The following PARP12 variants were observed in gnomAD, a reference collection of about 807,000 sequenced individuals.
PARP12 encodes poly(ADP-ribose) polymerase family member 12, also known as protein mono-ADP-ribosyltransferase PARP12.
Under a neutral mutation model 72.4 loss-of-function variants are expected in PARP12, and 59 were observed. The observed-to-expected ratio is 0.81, with a 90% CI of 0.66 to 1.01. The LOEUF (loss-of-function observed/expected upper bound fraction) is 1.01, where lower values mean the gene tolerates loss of function less well. Ranked by LOEUF, PARP12 falls within the 50% of genes least tolerant of loss-of-function variation. The pLI is 0.00. For missense variants in PARP12, 851 were observed against 914.0 expected, an observed-to-expected ratio of 0.93 and a Z score of 0.89; for synonymous variants, 403 against 371.4, an observed-to-expected ratio of 1.09 and a Z score of -0.98.
Position 140,062,563 on chromosome 7 carries a change from G to T in PARP12, c.285C>A (p.Cys95Ter). Residue 95 changes from cysteine (C) to a stop codon, truncating the protein, a stop_gained, in exon 1 of 12, where the codon TGC becomes TGA. Coordinates refer to ENST00000263549, the MANE Select transcript of PARP12 (RefSeq NM_022750.4). LOFTEE classifies it high-confidence loss of function. ...CVGLCAQLHL[C>*]RFMVYGACKF... ...TGCAGGCGCCGTAGACCATGAACCTGCAGAGGTGGAGCTGCGCGCAGAGCC... is the reference window on the plus strand; with the variant it reads ...TGCAGGCGCCGTAGACCATGAACCTTCAGAGGTGGAGCTGCGCGCAGAGCC... 1 of 1,554,974 alleles carries T rather than the reference G, an allele frequency of 6.4e-7. No homozygotes were observed. The highest frequency in any genetic ancestry group is 8.7e-7 in the Non-Finnish European group (1 of 1,155,048).
chr7:140,058,435 C>T (rs544154157), intron 1 of PARP12, among the ~76,000 whole-genome samples: 97 of 151,294 alleles, frequency 6.4e-4, no homozygotes, highest in African/African-American at 2.0e-3. Context: ...GGCATGAACC[C>T]GAGAGGCGGA....
Position 140,028,622 on chromosome 7 carries a change from TG to T in PARP12, c.1487del (p.Pro496GlnfsTer157). On this transcript the variant is annotated frameshift_variant, in exon 9 of 12. Coordinates refer to ENST00000263549, the MANE Select transcript of PARP12 (RefSeq NM_022750.4). LOFTEE classifies it high-confidence loss of function. ...CGCATGCGTCCCCTACCTGAAAGCC[TG>T]GGTCTGGCAGGGCAGAGGAGTCCCA... ...DYWDSSALPD[P>X]GFQKITLSSS... 6.3e-7 allele frequency: 1 copy of T among 1,595,628 alleles called. No individual in the cohort carries two copies. Among genetic ancestry groups the T allele is most frequent in the Non-Finnish European group, 8.5e-7 (1 of 1,170,456 alleles).
At chr7:140,045,111 C>G (rs1414133182) in intron 5 of PARP12, among the ~76,000 whole-genome samples, 2 of 151,872 alleles carry the variant, frequency 1.3e-5, no homozygotes, top group Admixed American at 1.3e-4. Flanking sequence ...CTCACTGCAG[C>G]ATCAAACTCC....
chr7:140,040,330 A>G (rs1816408646), intron 6 of PARP12, among the ~76,000 whole-genome samples: 1 of 152,158 alleles, frequency 6.6e-6, no homozygotes, highest in African/African-American at 2.4e-5. Context: ...GTCGCCCACG[A>G]CGGGAGGGAG....
At chr7:140,034,106 A>T in intron 8 of PARP12, 129 bp downstream of exon 8, 1 of 1,391,018 alleles carries the variant, frequency 7.2e-7, no homozygotes, top group South Asian at 1.5e-5. Flanking sequence ...ACGATAACAG[A>T]GTGTGGGAGC....
intron 8 of PARP12, chr7:140,033,104 G>T: frequency 2.5e-6 from 2 of 796,892 alleles, no homozygotes; most frequent in Non-Finnish European, 3.0e-6. Flanking sequence ...AGGCGCACAG[G>T]CTGGTCTCGA....
At position 140,027,416 on chromosome 7, in the gene PARP12, G is replaced by A; in HGVS notation, c.1498-10C>T. ...AACTAAGGGTGATCTTCTGCAAGGG[G>A]CAAATGTTTTTAATGCATTACCATC... On this transcript the variant is annotated splice_polypyrimidine_tract_variant and intron_variant, in intron 9 of 11. Coordinates refer to ENST00000263549, the MANE Select transcript of PARP12 (RefSeq NM_022750.4). 1 of 1,613,030 alleles carries A rather than the reference G, an allele frequency of 6.2e-7. No individual in the cohort carries two copies. Among genetic ancestry groups the A allele is most frequent in the Non-Finnish European group, 8.5e-7 (1 of 1,179,282 alleles).
chr7:140,033,775 G>A (rs965770261), intron 8 of PARP12: 71 of 989,582 alleles, frequency 7.2e-5, no homozygotes, highest in Middle Eastern at 5.1e-4. Context: ...TCACCCTGAC[G>A]AAGCTCGCCC....
chr7:140,043,841 T>C (rs1162375877), intron 5 of PARP12, among the ~76,000 whole-genome samples: 1 of 152,170 alleles, frequency 6.6e-6, no homozygotes, highest in African/African-American at 2.4e-5. Context: ...CTTAGAACTT[T>C]TAAACATAAT....
chr7:140,051,353 A>C (rs1816949654), intron 4 of PARP12, among the ~76,000 whole-genome samples: 1 of 151,912 alleles, frequency 6.6e-6, no homozygotes. Flanking sequence ...TTTTTTCTAC[A>C]TTATTAACTG....
At chr7:140,061,655 G>A (rs993554685) in intron 1 of PARP12, among the ~76,000 whole-genome samples, 2 of 152,116 alleles carry the variant, frequency 1.3e-5, no homozygotes, top group Non-Finnish European at 2.9e-5. Flanking sequence ...CACCTCCAGG[G>A]TGAGGCCCAA....
Position 140,041,826 on chromosome 7 carries a change from C to CAA in PARP12, c.999_1000insTT (p.Glu334LeufsTer12). ...TGAGAGTGAAAGGTACTGGCTGACTCAGAGCACAGGATCCTACAGAAGAAA... is the reference window on the plus strand; with the variant it reads ...TGAGAGTGAAAGGTACTGGCTGACTCAAAGAGCACAGGATCCTACAGAAGAAA... On this transcript the variant is annotated frameshift_variant, in exon 6 of 12. Transcript: ENST00000263549. LOFTEE classifies it high-confidence loss of function. The CAA allele has an allele frequency of 6.2e-7, 1 of 1,613,582 alleles. No individual in the cohort carries two copies.
rs1349956222 is a variant in PARP12 at position 140,062,636 on chromosome 7, G to A, written c.212C>T (p.Pro71Leu). ...CTGGTGCGCGCGACACAGGCGCAGCGGCGAGGCGGCCAGCACCACGCGCTC... is the reference window on the plus strand; with the variant it reads ...CTGGTGCGCGCGACACAGGCGCAGCAGCGAGGCGGCCAGCACCACGCGCTC... Reference protein sequence around the residue: ...APERVVLAASPLRLCRAHQGS... With the variant: ...APERVVLAASLLRLCRAHQGS... The change falls in exon 1 of 12, where the codon CCG becomes CTG. Residue 71 changes from proline to leucine, a missense_variant. Coordinates refer to ENST00000263549, the MANE Select transcript of PARP12 (RefSeq NM_022750.4). 1.4e-6 allele frequency: 2 copies of A among 1,478,726 alleles called. No individual in the cohort carries two copies. The highest frequency in any genetic ancestry group is 1.3e-5 in the South Asian group (1 of 79,578). 91.6% of individuals were successfully genotyped at this position (1,478,726 alleles called of 1,614,324 possible).
At chr7:140,046,720 CAG>C (rs1491226588) in intron 5 of PARP12, among the ~76,000 whole-genome samples, 162 bp downstream of exon 5, 7 of 109,482 alleles carry the variant, frequency 6.4e-5, no homozygotes, top group Admixed American at 1.9e-4. Flanking sequence ...AGGTGGCTCA[CAG>C]TGTGTGTGTG....
intron 4 of PARP12, among the ~76,000 whole-genome samples, chr7:140,047,681 A>T (rs572021257): frequency 5.9e-5 from 9 of 152,230 alleles, no homozygotes; most frequent in Non-Finnish European, 1.2e-4. Context: ...ATAGTGGCAC[A>T]ATCACGGCTC....
intron 2 of PARP12, chr7:140,057,436 T>C (rs1585116041): frequency 4.2e-6 from 2 of 477,446 alleles, no homozygotes; most frequent in African/African-American, 2.0e-5. Flanking sequence ...CATGAGACAA[T>C]GCAAATCAAA....
At position 140,026,294 on chromosome 7, in the gene PARP12, C is replaced by T; in HGVS notation, c.1683G>A (p.Gln561=). The T allele has an allele frequency of 6.2e-7, 1 of 1,613,474 alleles. No individual in the cohort carries two copies. The highest frequency in any genetic ancestry group is 8.5e-7 in the Non-Finnish European group (1 of 1,180,030). The change falls in exon 11 of 12, where the codon CAG becomes CAA. Residue 561 remains glutamine (Q), a synonymous_variant. Transcript: ENST00000263549. ...AAATGGCGCTGGTGCCGTGGAACAG[C>T]TGCCGCTCGTCCACGGCCTTCCCTC... ...QNGGKAVDER[Q]LFHGTSAIFV... is the part of the protein sequence containing the mutation.
intron 4 of PARP12, among the ~76,000 whole-genome samples, chr7:140,048,615 T>A (rs1816831594): frequency 6.6e-6 from 1 of 152,170 alleles, no homozygotes; most frequent in Non-Finnish European, 1.5e-5. Flanking sequence ...AGTTTAGACA[T>A]ATTCTAACTA....
intron 8 of PARP12, 122 bp downstream of exon 8, chr7:140,034,113 G>T: frequency 1.4e-6 from 2 of 1,404,934 alleles, no homozygotes; most frequent in Non-Finnish European, 1.9e-6. Context: ...CAGAGTGTGG[G>T]AGCACTTCGT....
Sources: gnomAD v4.1 joint callset for allele counts (sites outside exome capture counted in the v4.1 genomes callset) on GRCh38, gnomAD v4.1.1 for gene constraint, MANE v1.5 for transcripts, NCBI Gene and HGNC (gene_info 2026-07-23, HGNC 2026-07-21) for gene names.